INPP5D: variants seen among roughly 807,000 people sequenced by gnomAD.
The protein encoded by INPP5D is phosphatidylinositol 3,4,5-trisphosphate 5-phosphatase 1.
A neutral mutation model predicts 122.9 loss-of-function variants in INPP5D; 33 were observed. The observed-to-expected ratio is 0.27, with a 90% CI of 0.20 to 0.36. The LOEUF (loss-of-function observed/expected upper bound fraction) is 0.36. INPP5D is among the 10% of genes least tolerant of loss of function. The probability of loss-of-function intolerance (pLI) is 1.00; values close to 1 mark genes in which losing one functional copy is unlikely to be tolerated. For missense variants in INPP5D, 1,053 were observed against 1,412.7 expected (o/e 0.75, Z 4.08); for synonymous variants, 584 against 576.2 (o/e 1.01, Z -0.19).
chr2:233,079,498 C>T (rs1451881271), intron 2 of INPP5D, 100 bp downstream of exon 2: 13 of 811,786 alleles, frequency 1.6e-5, no homozygotes, highest in African/African-American at 5.0e-5. Context: ...CGCAGGTAGC[C>T]GGACGTGAAG....
intron 17 of INPP5D, among the ~76,000 whole-genome samples, chr2:233,173,304 G>C (rs972379028): frequency 6.6e-5 from 10 of 152,132 alleles, no homozygotes; most frequent in East Asian, 5.8e-4. Flanking sequence ...GTGAGTCAGT[G>C]AGTGAGTGGT....
chr2:233,097,964 C>A (rs1692194452), intron 2 of INPP5D, among the ~76,000 whole-genome samples: 1 of 151,876 alleles, frequency 6.6e-6, no homozygotes, highest in South Asian at 2.1e-4. Context: ...TCGGTCACTG[C>A]AACCTGCACC....
At chr2:233,152,232 GTTA>G (rs36148831) in intron 9 of INPP5D, among the ~76,000 whole-genome samples, 77,105 of 151,716 alleles carry the variant, frequency 0.51, 20,229 homozygotes, top group East Asian at 0.66. Context: ...TCCATCCATG[GTTA>G]TTATGACAGA....
intron 9 of INPP5D, among the ~76,000 whole-genome samples, chr2:233,151,341 G>A (rs1262328232): frequency 6.6e-6 from 1 of 151,748 alleles, no homozygotes; most frequent in Non-Finnish European, 1.5e-5. Flanking sequence ...ACAATAATAG[G>A]CTATTTCAGA....
chr2:233,200,602 G>T (rs1367223981), intron 25 of INPP5D, among the ~76,000 whole-genome samples: 1 of 152,218 alleles, frequency 6.6e-6, no homozygotes, highest in Non-Finnish European at 1.5e-5. Flanking sequence ...ACCTGGCAGG[G>T]TCTTCCTCTG....
chr2:233,196,764 A>G (rs1390415411), intron 24 of INPP5D, among the ~76,000 whole-genome samples: 1 of 152,046 alleles, frequency 6.6e-6, no homozygotes. Context: ...AGGAGGCAGA[A>G]CCATGCCAGC....
chr2:233,087,187 A>C (rs1454680875), intron 2 of INPP5D, among the ~76,000 whole-genome samples: 2 of 152,134 alleles, frequency 1.3e-5, no homozygotes, highest in Non-Finnish European at 2.9e-5. Context: ...AAATAGAAGA[A>C]AGTCTTTCTG....
chr2:233,074,384 C>T (rs1017306021), intron 1 of INPP5D, among the ~76,000 whole-genome samples: 2 of 152,192 alleles, frequency 1.3e-5, no homozygotes, highest in African/African-American at 4.8e-5. Context: ...CCCAATAATA[C>T]TCGGCCAGCC....
At position 233,105,516 on chromosome 2, in the gene INPP5D, T is replaced by C. The variant is rs879628920; in HGVS notation, c.199-16591T>C. Among the ~76,000 whole-genome samples the C allele has an allele frequency of 2.2e-4, 33 of 152,110 alleles. No homozygotes were observed. Among genetic ancestry groups the C allele is most frequent in the Admixed American group, 1.7e-3 (26 of 15,272 alleles). Reference sequence around the variant, plus strand: ...GCCTCTGCACCTGGTCATATTTTCTTAGTTGTTTATGGTTCTGTGTCTTGC... The same window carrying C: ...GCCTCTGCACCTGGTCATATTTTCTCAGTTGTTTATGGTTCTGTGTCTTGC... On this transcript the variant is annotated intron_variant, in intron 2 of 26. Transcript: ENST00000445964. This position sits in a 1 kb window ranked among gnomAD's most constrained non-coding sequence, Gnocchi z 4.0.
intron 2 of INPP5D, among the ~76,000 whole-genome samples, chr2:233,108,075 G>A (rs553535453): frequency 1.3e-5 from 2 of 152,032 alleles, no homozygotes; most frequent in African/African-American, 2.4e-5. Flanking sequence ...CCCAGGGGGC[G>A]GACCTCCTGT....
At chr2:233,093,452 A>G (rs1318553533) in intron 2 of INPP5D, among the ~76,000 whole-genome samples, 1 of 152,098 alleles carries the variant, frequency 6.6e-6, no homozygotes, top group Non-Finnish European at 1.5e-5. Flanking sequence ...AGGCTGAGGC[A>G]GGCAGATCAT....
chr2:233,141,576 CAG>C (rs1416671745), intron 6 of INPP5D: 70,916 of 148,252 alleles, frequency 0.48, 17,088 homozygotes, highest in African/African-American at 0.54. Flanking sequence ...CCATCTAAAA[CAG>C]AAAAAAAAAA....
At chr2:233,119,991 C>A (rs910896031) in intron 2 of INPP5D, among the ~76,000 whole-genome samples, 4 of 152,226 alleles carry the variant, frequency 2.6e-5, no homozygotes, top group African/African-American at 9.6e-5. Context: ...CTTGGCCCAG[C>A]CACGCTCAGG....
At chr2:233,088,113 T>G (rs986008348) in intron 2 of INPP5D, among the ~76,000 whole-genome samples, 5 of 152,134 alleles carry the variant, frequency 3.3e-5, no homozygotes. Flanking sequence ...GTAGCTGGGA[T>G]TACAGCCATG....
At position 233,206,851 on chromosome 2, in the gene INPP5D, G is replaced by C. The variant is rs1695519893; in HGVS notation, c.*143G>C. 1 of 677,232 alleles carries C rather than the reference G, an allele frequency of 1.5e-6. No individual in the cohort carries two copies. Among genetic ancestry groups the C allele is most frequent in the Non-Finnish European group, 2.8e-6 (1 of 363,022 alleles). The allele number at this position is 677,232 out of a possible 1,614,324, so 42.0% of individuals were successfully genotyped here. A position where few individuals can be genotyped will look rare whatever the true frequency, so the allele number is the denominator to read the frequency against. On this transcript the variant is annotated 3_prime_UTR_variant, in exon 27 of 27. Transcript: ENST00000445964. This position sits in a 1 kb window ranked among gnomAD's most constrained non-coding sequence, Gnocchi z 4.0. ...GTTTTCAGGAAAGGGCCTAGCTTCT[G>C]TGTGGCCCACAGAGTTCACTGCCTG...
At chr2:233,113,712 T>C (rs902499104) in intron 2 of INPP5D, among the ~76,000 whole-genome samples, 1 of 152,204 alleles carries the variant, frequency 6.6e-6, no homozygotes, top group Non-Finnish European at 1.5e-5. Flanking sequence ...CGTGCCCTGT[T>C]CGATGGGCTA....
In INPP5D at chr2:233,125,821, G is replaced by A. The variant is rs374974999; in HGVS notation, c.426G>A (p.Glu142=). Residue 142 remains glutamate, a synonymous_variant, in exon 4 of 27, where the codon GAG becomes GAA. Transcript: ENST00000445964. The part of the protein sequence containing the change: ...PLTASSCEAK[E]VPFSNENPRA... ...CTGCCAGCTCCTGTGAGGCCAAGGA[G>A]GTTCCTTTTTCAAACGAGAATCCCC... 5.9e-4 allele frequency: 954 copies of A among 1,613,972 alleles called. No individual in the cohort carries two copies. Among genetic ancestry groups the A allele is most frequent in the Non-Finnish European group, 7.8e-4 (925 of 1,179,874 alleles).
Position 233,128,246 on chromosome 2 carries a change from A to T in INPP5D, c.525-2262A>T, listed in dbSNP as rs112031050. On this transcript the variant is annotated intron_variant, in intron 4 of 26. Transcript: ENST00000445964. This position sits in a 1 kb window ranked among gnomAD's most constrained non-coding sequence, Gnocchi z 4.5. ...GATGGAGCAGTTTCCTCCCACAACC[A>T]TCCCCCCACCACCCATCCGTGGAAT... is the stretch of plus-strand genomic sequence containing the variant. 9.4e-3 allele frequency among the ~76,000 whole-genome samples: 1,423 copies of T among 152,052 alleles called. 8 individuals carry two copies. Among genetic ancestry groups the T allele is most frequent in the African/African-American group, 0.013 (546 of 41,436 alleles).
At chr2:233,166,352 C>A (rs1242556618) in intron 13 of INPP5D, among the ~76,000 whole-genome samples, 2 of 152,216 alleles carry the variant, frequency 1.3e-5, no homozygotes, top group African/African-American at 4.8e-5. Context: ...CAGGCAGGAG[C>A]TCTGCTCATG....
Sources: gnomAD v4.1 joint callset for allele counts (sites outside exome capture counted in the v4.1 genomes callset) on GRCh38, gnomAD v4.1.1 for gene constraint, Gnocchi (gnomAD v3.1) non-coding constraint, MANE v1.5 for transcripts, NCBI Gene and HGNC (gene_info 2026-07-23, HGNC 2026-07-21) for gene names.